NKAPD1: variants seen among roughly 807,000 people sequenced by gnomAD.
NKAPD1 encodes NKAP domain containing 1, also known as uncharacterized protein NKAPD1.
In NKAPD1, 12 loss-of-function variants were observed where a neutral mutation model predicts 30.9. The observed-to-expected ratio is 0.39, with a 90% CI of 0.25 to 0.63. NKAPD1 has a LOEUF of 0.63. Ranked by LOEUF, NKAPD1 falls within the 20% of genes least tolerant of loss-of-function variation. The pLI, the probability that NKAPD1 is intolerant of heterozygous loss-of-function variation, is 0.51. For synonymous variants in NKAPD1, 91 were observed against 113.6 expected (o/e 0.80, Z 1.26); for missense variants, 311 against 344.5 (o/e 0.90, Z 0.77).
intron 2 of NKAPD1, among the ~76,000 whole-genome samples, chr11:112,077,240 A>G (rs1252314492): frequency 2.6e-5 from 4 of 152,270 alleles, no homozygotes; most frequent in African/African-American, 9.6e-5. Flanking sequence ...CTAGTTATAT[A>G]GTAAGCTTAG....
At position 112,085,142 on chromosome 11, in the gene NKAPD1, C is replaced by T. The variant is rs978069166; in HGVS notation, c.*2170C>T. The T allele has an allele frequency of 1.9e-6, 1 of 522,510 alleles. No homozygotes were observed. Among genetic ancestry groups the T allele is most frequent in the African/African-American group, 1.9e-5 (1 of 52,616 alleles). 32.4% of individuals were successfully genotyped at this position (522,510 alleles called of 1,614,324 possible). On this transcript the variant is annotated 3_prime_UTR_variant, in exon 6 of 6. Transcript: ENST00000393047. The stretch of plus-strand genomic sequence containing the variant: ...CTGAATTCCAAATAAATAAATTTCA[C>T]TCTTTGAACATTTCATCTTTTACTT...
chr11:112,078,367 TCAA>T, intron 3 of NKAPD1, 52 bp downstream of exon 3: 1 of 1,393,304 alleles, frequency 7.2e-7, no homozygotes, highest in Non-Finnish European at 1.0e-6. Flanking sequence ...TTCAGAATCA[TCAA>T]CTTTTGTTTA....
chr11:112,078,101 C>T (rs1395393086), intron 2 of NKAPD1, 114 bp from the exon 3 acceptor site: 5 of 712,296 alleles, frequency 7.0e-6, no homozygotes, highest in Middle Eastern at 3.2e-4. Flanking sequence ...GCTTTGGCCT[C>T]CCAAAGTGCT....
At position 112,084,951 on chromosome 11, in the gene NKAPD1, G is replaced by A. The variant is rs1427844225; in HGVS notation, c.*1979G>A. 5.5e-6 allele frequency: 1 copy of A among 182,594 alleles called. No individual in the cohort carries two copies. The highest frequency in any genetic ancestry group is 1.1e-5 in the Non-Finnish European group (1 of 87,912). 11.3% of individuals were successfully genotyped at this position (182,594 alleles called of 1,614,324 possible). A position where few individuals can be genotyped will look rare whatever the true frequency, so the allele number is the denominator to read the frequency against. On this transcript the variant is annotated 3_prime_UTR_variant, in exon 6 of 6. Coordinates refer to ENST00000393047, the MANE Select transcript of NKAPD1 (RefSeq NM_018195.4). ...AACCCCCTTAATATGGCTTAGGGTG[G>A]TTTTTCAAAACCTACAATCCCCCAT...
chr11:112,083,023 C>T lies in NKAPD1; in HGVS notation c.*51C>T, dbSNP rs1384114187. The T allele has an allele frequency of 1.3e-6, 2 of 1,531,938 alleles. No individual in the cohort carries two copies. The highest frequency in any genetic ancestry group is 2.3e-5 in the East Asian group (1 of 44,394). 94.9% of individuals were successfully genotyped at this position (1,531,938 alleles called of 1,614,324 possible). ...TGACTGTGGATATTTACAGTTCTTA[C>T]TCCTTGTGGTTTTGCCAGTGACTCT... On this transcript the variant is annotated 3_prime_UTR_variant, in exon 6 of 6. Transcript: ENST00000393047.
At chr11:112,077,653 T>G (rs1449267286) in intron 2 of NKAPD1, among the ~76,000 whole-genome samples, 2 of 152,190 alleles carry the variant, frequency 1.3e-5, no homozygotes, top group African/African-American at 4.8e-5. Flanking sequence ...ATTGCAAGAT[T>G]GATAAGGTGA....
chr11:112,080,576 G>T lies in NKAPD1; in HGVS notation c.320+18G>T. ...CCAGACAGGTTTGTGATTAATTCCT[G>T]TGAGCATTAATATTTGGCCTGAGAA... On this transcript the variant is annotated intron_variant, in intron 4 of 5. Transcript: ENST00000393047. The T allele has an allele frequency of 2.5e-6, 4 of 1,610,508 alleles. No individual in the cohort carries two copies. The highest frequency in any genetic ancestry group is 1.7e-5 in the Admixed American group (1 of 59,616).
chr11:112,080,697 G>A (rs1364800567), intron 4 of NKAPD1, 139 bp downstream of exon 4: 3 of 885,166 alleles, frequency 3.4e-6, no homozygotes, highest in Non-Finnish European at 3.4e-6. Flanking sequence ...TAATGGCCAA[G>A]TAATCCAAAT....
intron 4 of NKAPD1, 23 bp downstream of exon 4, chr11:112,080,581 C>CTAATGCTCACAAAAT: frequency 1.2e-6 from 2 of 1,608,924 alleles, no homozygotes; most frequent in Non-Finnish European, 1.7e-6. Flanking sequence ...TTCCTGTGAG[C>CTAATGCTCACAAAAT]ATTAATATTT....
chr11:112,080,713 T>C, intron 4 of NKAPD1, 155 bp downstream of exon 4: 1 of 740,140 alleles, frequency 1.4e-6, no homozygotes, highest in Non-Finnish European at 2.2e-6. Flanking sequence ...CAAATGTCTG[T>C]CAACTGATGA....
intron 4 of NKAPD1, chr11:112,080,809 G>A (rs1309993810): frequency 1.4e-5 from 6 of 423,888 alleles, no homozygotes; most frequent in Middle Eastern, 1.3e-3. Context: ...GTTACAACGT[G>A]GCCTTGAAAA....
rs1865541385 is a variant in NKAPD1, at chr11:112,084,734, G to C, written c.*1762G>C. On this transcript the variant is annotated 3_prime_UTR_variant, in exon 6 of 6. Coordinates refer to ENST00000393047, the MANE Select transcript of NKAPD1 (RefSeq NM_018195.4). ...ATCTCCAGGAAATTGGCTCTATTTG[G>C]GTCCTGACCTTCCCTTCCTCCCAAG... is the stretch of plus-strand genomic sequence containing the variant. 6.6e-6 allele frequency: 1 copy of C among 151,422 alleles called. No individual in the cohort carries two copies. The highest frequency in any genetic ancestry group is 1.5e-5 in the Non-Finnish European group (1 of 67,950). The allele number at this position is 151,422 out of a possible 1,614,324, so 9.4% of individuals were successfully genotyped here.
intron 4 of NKAPD1, 196 bp downstream of exon 4, chr11:112,080,754 A>G: frequency 1.8e-6 from 1 of 568,822 alleles, no homozygotes; most frequent in East Asian, 3.1e-5. Flanking sequence ...ATATCCATAC[A>G]ATGGAATATT....
chr11:112,082,122 C>T (rs1865466426), intron 5 of NKAPD1, 87 bp downstream of exon 5: 2 of 1,136,026 alleles, frequency 1.8e-6, no homozygotes, highest in Non-Finnish European at 2.6e-6. Flanking sequence ...GAAGAATATA[C>T]TTGCCATCAA....
At position 112,075,619 on chromosome 11, in the gene NKAPD1, C is replaced by T. The variant is rs750395531; in HGVS notation, c.45C>T (p.Ile15=). The T allele has an allele frequency of 7.5e-6, 12 of 1,607,590 alleles. No homozygotes were observed. In the East Asian group the frequency reaches 9.0e-5, roughly 12 times the overall value. ...PLGKVLLRNV[I]RHTDAHNKIQ... is the part of the protein sequence containing the mutation. Reference sequence around the variant, plus strand: ...GGAAGGTCCTCCTGAGGAATGTCATCCGGCACACAGATGCTCACAATAAGG... The same window carrying T: ...GGAAGGTCCTCCTGAGGAATGTCATTCGGCACACAGATGCTCACAATAAGG... The change falls in exon 2 of 6, where the codon ATC becomes ATT. Residue 15 remains isoleucine (I), a synonymous_variant. Coordinates refer to ENST00000393047, the MANE Select transcript of NKAPD1 (RefSeq NM_018195.4).
rs191630933 is a variant in NKAPD1 at position 112,082,748 on chromosome 11, T to C, written c.658T>C (p.Leu220=). 1.2e-4 allele frequency: 196 copies of C among 1,613,964 alleles called. No individual in the cohort carries two copies. Among genetic ancestry groups the C allele is most frequent in the Admixed American group, 1.2e-3 (70 of 59,964 alleles). ...SRKKSLKKPA[L]FLEAESNTSH... ...GAAAAAGTCTCTCAAAAAACCTGCT[T>C]TATTCTTAGAGGCAGAAAGTAACAC... The change falls in exon 6 of 6, where the codon TTA becomes CTA. Residue 220 remains leucine, a synonymous_variant. Coordinates refer to ENST00000393047, the MANE Select transcript of NKAPD1 (RefSeq NM_018195.4).
chr11:112,083,062 G>A lies in NKAPD1; in HGVS notation c.*90G>A. ...GCCAGTGACTCTTGTTCAGCACGGG[G>A]CCTGAGGTCAGAGCTGTCTTGTGCC... On this transcript the variant is annotated 3_prime_UTR_variant, in exon 6 of 6. Coordinates refer to ENST00000393047, the MANE Select transcript of NKAPD1 (RefSeq NM_018195.4). 7.2e-7 allele frequency: 1 copy of A among 1,396,336 alleles called. No homozygotes were observed. The highest frequency in any genetic ancestry group is 9.6e-7 in the Non-Finnish European group (1 of 1,041,354). The allele number at this position is 1,396,336 out of a possible 1,614,324, so 86.5% of individuals were successfully genotyped here. A position where few individuals can be genotyped will look rare whatever the true frequency, so the allele number is the denominator to read the frequency against.
At chr11:112,080,361 C>T (rs1165536652) in intron 3 of NKAPD1, 48 bp from the exon 4 acceptor site, 2 of 1,526,834 alleles carry the variant, frequency 1.3e-6, no homozygotes, top group Non-Finnish European at 8.9e-7. Flanking sequence ...ATAAAGTAAA[C>T]TCACAGATTG....
Position 112,083,126 on chromosome 11 carries a change from G to T in NKAPD1, c.*154G>T. ...GACAGACGTCTTGTCTTCTATTTTG[G>T]CGTTAAGCTTGATCCCCTTTTCTTG... On this transcript the variant is annotated 3_prime_UTR_variant, in exon 6 of 6. Coordinates refer to ENST00000393047, the MANE Select transcript of NKAPD1 (RefSeq NM_018195.4). 1 of 711,444 alleles carries T rather than the reference G, an allele frequency of 1.4e-6. No individual in the cohort carries two copies. The highest frequency in any genetic ancestry group is 2.1e-6 in the Non-Finnish European group (1 of 477,558). 44.1% of individuals were successfully genotyped at this position (711,444 alleles called of 1,614,324 possible).
Sources: allele counts gnomAD v4.1 joint callset (sites outside exome capture counted in the v4.1 genomes callset), GRCh38; gene constraint gnomAD v4.1.1; transcripts MANE v1.5; gene names NCBI Gene and HGNC (gene_info 2026-07-23, HGNC 2026-07-21).